GRID2: variants seen among roughly 807,000 people sequenced by gnomAD.
GRID2 encodes the protein glutamate ionotropic receptor delta type subunit 2, also known as glutamate receptor ionotropic, delta-2.
A neutral mutation model predicts 114.8 loss-of-function variants in GRID2; 33 were observed. The ratio of observed to expected loss-of-function variants is 0.29; its 90% CI spans 0.22 to 0.38. The LOEUF (loss-of-function observed/expected upper bound fraction) is 0.38, where lower values mean the gene tolerates loss of function less well. Among genes scored for constraint, GRID2 ranks in the 10% least tolerant of loss-of-function variants. The probability of loss-of-function intolerance (pLI) is 1.00; values close to 1 mark genes in which losing one functional copy is unlikely to be tolerated. For synonymous variants in GRID2, 505 were observed against 449.9 expected, an observed-to-expected ratio of 1.12 and a Z score of -1.55; for missense variants, 1,184 against 1,257.7, an observed-to-expected ratio of 0.94 and a Z score of 0.89.
At chr4:93,347,243 T>C (rs989844871) in intron 8 of GRID2, among the ~76,000 whole-genome samples, 1 of 152,112 alleles carries the variant, frequency 6.6e-6, no homozygotes, top group African/African-American at 2.4e-5. Flanking sequence ...TTAATAACTT[T>C]TGAAGTACTT....
chr4:93,375,652 A>G (rs1342398568), intron 8 of GRID2, among the ~76,000 whole-genome samples: 1 of 152,188 alleles, frequency 6.6e-6, no homozygotes, highest in African/African-American at 2.4e-5. Context: ...GTTACCATGC[A>G]ATGTTTAAAA....
chr4:93,104,739 G>C (rs942095841), intron 3 of GRID2, among the ~76,000 whole-genome samples: 18 of 152,144 alleles, frequency 1.2e-4, no homozygotes, highest in Non-Finnish European at 2.4e-4. Context: ...CCAAGTCTTT[G>C]CTATTGTGAA....
chr4:92,886,192 C>T (rs1363383893), intron 2 of GRID2, among the ~76,000 whole-genome samples: 2 of 152,072 alleles, frequency 1.3e-5, no homozygotes, highest in Admixed American at 1.3e-4. Context: ...GCAGCCAGAA[C>T]CAGCACAACA....
intron 2 of GRID2, among the ~76,000 whole-genome samples, chr4:92,616,722 A>T (rs1730020443): frequency 6.6e-6 from 1 of 151,562 alleles, no homozygotes; most frequent in Non-Finnish European, 1.5e-5. Context: ...GACTACAGGG[A>T]CATTGAATTT....
intron 2 of GRID2, among the ~76,000 whole-genome samples, chr4:92,593,095 A>G (rs35700808): frequency 2.0e-5 from 3 of 151,748 alleles, no homozygotes; most frequent in Admixed American, 6.6e-5. Flanking sequence ...ATACAATTAT[A>G]AGTGATTGCT....
chr4:92,549,562 G>A (rs1408088772), intron 1 of GRID2, among the ~76,000 whole-genome samples: 1 of 152,136 alleles, frequency 6.6e-6, no homozygotes, highest in Non-Finnish European at 1.5e-5. Flanking sequence ...ATGACAAAGG[G>A]ACTGAGGGCT....
At chr4:93,130,002 CTG>C (rs1734647281) in intron 4 of GRID2, among the ~76,000 whole-genome samples, 6 of 152,188 alleles carry the variant, frequency 3.9e-5, no homozygotes, top group African/African-American at 1.2e-4. Flanking sequence ...TTTTCCCACC[CTG>C]CCAGCCCTTC....
intron 2 of GRID2, among the ~76,000 whole-genome samples, chr4:93,073,331 G>A (rs974784543): frequency 3.3e-5 from 5 of 152,102 alleles, no homozygotes; most frequent in East Asian, 3.9e-4. Flanking sequence ...TAAACTTATG[G>A]TATTGAAGAT....
chr4:93,111,128 T>C (rs1732725438), intron 4 of GRID2, among the ~76,000 whole-genome samples, 175 bp downstream of exon 4: 1 of 152,186 alleles, frequency 6.6e-6, no homozygotes, highest in Admixed American at 6.5e-5. Flanking sequence ...TACCCCTTAC[T>C]GTCCAGTTAG....
At chr4:92,557,921 T>C (rs1173536568) in intron 1 of GRID2, among the ~76,000 whole-genome samples, 9 of 152,146 alleles carry the variant, frequency 5.9e-5, no homozygotes, top group African/African-American at 1.4e-4. Flanking sequence ...ATTCTGCAGA[T>C]ACTTTGCATA....
At chr4:92,883,740 C>T (rs905862176) in intron 2 of GRID2, among the ~76,000 whole-genome samples, 2 of 152,152 alleles carry the variant, frequency 1.3e-5, no homozygotes, top group African/African-American at 4.8e-5. Flanking sequence ...GTAAGTTATA[C>T]TGTTTTCTGA....
chr4:92,758,653 A>C (rs1016669281), intron 2 of GRID2, among the ~76,000 whole-genome samples: 5 of 152,132 alleles, frequency 3.3e-5, no homozygotes, highest in African/African-American at 1.2e-4. Flanking sequence ...AATTAGAATA[A>C]AAATACTTCT....
chr4:92,636,478 T>G (rs1355650711), intron 2 of GRID2, among the ~76,000 whole-genome samples: 1 of 152,070 alleles, frequency 6.6e-6, no homozygotes, highest in Non-Finnish European at 1.5e-5. Flanking sequence ...TTCCAATATT[T>G]TTGCTCACAA....
At chr4:93,091,413 A>G (rs1730780587) in intron 3 of GRID2, among the ~76,000 whole-genome samples, 1 of 152,140 alleles carries the variant, frequency 6.6e-6, no homozygotes, top group African/African-American at 2.4e-5. Flanking sequence ...CAGTCAGTGA[A>G]GTTTAAGACA....
chr4:92,652,257 C>G (rs1731978968), intron 2 of GRID2, among the ~76,000 whole-genome samples: 2 of 152,052 alleles, frequency 1.3e-5, no homozygotes, highest in Non-Finnish European at 1.5e-5. Context: ...TCTACTGATT[C>G]ATATGTTAAT....
chr4:92,327,706 A>C (rs1726671748), intron 1 of GRID2, among the ~76,000 whole-genome samples: 1 of 152,054 alleles, frequency 6.6e-6, no homozygotes, highest in African/African-American at 2.4e-5. Context: ...TTTAAAAAAT[A>C]AAATTTTTAG....
In GRID2 at chr4:92,658,793, G is replaced by GTA. The variant is rs201480396; in HGVS notation, c.244+68532_244+68533dup. On this transcript the variant is annotated intron_variant, in intron 2 of 15. Coordinates refer to ENST00000282020, the MANE Select transcript of GRID2 (RefSeq NM_001510.4). ...TGTTTGCATGTATGTGTGTGTGTGT[G>GTA]TATATATATATATATATATATATAT... Among the ~76,000 whole-genome samples the GTA allele has an allele frequency of 4.1e-3, 543 of 132,360 alleles. 15 individuals are homozygous for GTA. Among genetic ancestry groups the GTA allele is most frequent in the East Asian group, 8.7e-3 (35 of 4,026 alleles). The allele number at this position is 132,360 out of a possible 152,430, so 86.8% of individuals were successfully genotyped here. A position where few individuals can be genotyped will look rare whatever the true frequency, so the allele number is the denominator to read the frequency against.
Position 93,741,089 on chromosome 4 carries a change from C to T in GRID2, c.2361-28121C>T, listed in dbSNP as rs527379582. Among the ~76,000 whole-genome samples, 344 of 148,340 alleles carry T rather than the reference C, an allele frequency of 2.3e-3. 3 individuals are homozygous for T. The highest frequency in any genetic ancestry group is 0.014 in the Middle Eastern group (4 of 286). On this transcript the variant is annotated intron_variant, in intron 14 of 15. Coordinates refer to ENST00000282020, the MANE Select transcript of GRID2 (RefSeq NM_001510.4). Reference sequence around the variant, plus strand: ...CTGGTTTCAGTTCCTGTCTCAATCTCATTTTGCCCACAAAGAAGAGAATAA... The same window carrying T: ...CTGGTTTCAGTTCCTGTCTCAATCTTATTTTGCCCACAAAGAAGAGAATAA...
At chr4:93,355,690 A>G (rs1186963639) in intron 8 of GRID2, among the ~76,000 whole-genome samples, 1 of 152,100 alleles carries the variant, frequency 6.6e-6, no homozygotes, top group Non-Finnish European at 1.5e-5. Flanking sequence ...CATAGACTGA[A>G]AAAACAGCCA....
Sources: gnomAD v4.1 joint callset for allele counts (sites outside exome capture counted in the v4.1 genomes callset) on GRCh38, gnomAD v4.1.1 for gene constraint, MANE v1.5 for transcripts, NCBI Gene and HGNC (gene_info 2026-07-23, HGNC 2026-07-21) for gene names.